The following BTBD9 variants were observed in gnomAD, a reference collection of about 807,000 sequenced individuals.
The protein encoded by BTBD9 is BTB domain containing 9, also known as BTB/POZ domain-containing protein 9.
In BTBD9, 49 loss-of-function variants were observed where a neutral mutation model predicts 64.3. The ratio of observed to expected loss-of-function variants is 0.76; its 90% CI spans 0.61 to 0.97. The LOEUF is 0.97. Ranked by LOEUF, BTBD9 falls within the 50% of genes least tolerant of loss-of-function variation. BTBD9 has a pLI of 0.00. For missense variants in BTBD9, 598 were observed against 762.1 expected (o/e 0.78, Z 2.53); for synonymous variants, 260 against 274.7 (o/e 0.95, Z 0.53).
At chr6:38,188,117 TG>T (rs916363227) in intron 10 of BTBD9, among the ~76,000 whole-genome samples, 2 of 152,204 alleles carry the variant, frequency 1.3e-5, no homozygotes, top group African/African-American at 4.8e-5. Flanking sequence ...CAGGCCAGCC[TG>T]GGGGGCCTGC....
At chr6:38,609,038 A>T (rs1195614668) in intron 1 of BTBD9, among the ~76,000 whole-genome samples, 1 of 152,214 alleles carries the variant, frequency 6.6e-6, no homozygotes, top group African/African-American at 2.4e-5. Flanking sequence ...CTAAGGGGCC[A>T]CTGAATTGAC....
rs534851326 is a variant in BTBD9 at position 38,330,116 on chromosome 6, G to A, written c.1264+14868C>T. On this transcript the variant is annotated intron_variant, in intron 7 of 10. Transcript: ENST00000481247. ...GTCACCCAGGCTGGAGTGCAGTGGC[G>A]TGATATTGGCTCACTGCAACCTGCA... is the stretch of plus-strand genomic sequence containing the variant. Among the ~76,000 whole-genome samples the A allele has an allele frequency of 4.0e-5, 6 of 151,684 alleles. No homozygotes were observed. The East Asian group carries it at 9.7e-4, about 25-fold the overall frequency.
intron 1 of BTBD9, 80 bp downstream of exon 1, chr6:38,639,720 G>C (rs1221261584): frequency 6.6e-6 from 1 of 152,078 alleles, no homozygotes. Context: ...GGCGGTGCGC[G>C]CGGATACGGC....
intron 7 of BTBD9, among the ~76,000 whole-genome samples, chr6:38,319,502 G>A (rs866018939): frequency 4.0e-5 from 6 of 151,838 alleles, no homozygotes; most frequent in Non-Finnish European, 7.4e-5. Context: ...TAGTCAGCAC[G>A]TGATGAATCC....
chr6:38,259,835 C>T (rs1764730585), intron 8 of BTBD9, among the ~76,000 whole-genome samples: 1 of 152,152 alleles, frequency 6.6e-6, no homozygotes. Flanking sequence ...CCTACTGATT[C>T]TCTTTAATAC....
intron 6 of BTBD9, among the ~76,000 whole-genome samples, chr6:38,441,249 T>C (rs776282161): frequency 6.6e-6 from 1 of 152,148 alleles, no homozygotes; most frequent in African/African-American, 2.4e-5. Context: ...GGGCTAAGAA[T>C]GTGTTCTCTT....
At chr6:38,345,708 G>A (rs576861203) in intron 6 of BTBD9, among the ~76,000 whole-genome samples, 33 of 152,344 alleles carry the variant, frequency 2.2e-4, no homozygotes, top group South Asian at 1.0e-3. Context: ...CACAGGAAGC[G>A]ATCTGTAGAG....
chr6:38,466,300 T>TCAGA (rs1318023867), intron 6 of BTBD9, among the ~76,000 whole-genome samples: 1 of 142,310 alleles, frequency 7.0e-6, no homozygotes, highest in Non-Finnish European at 1.5e-5. Context: ...TTTTTTTTTT[T>TCAGA]TTTTTTTTTT....
intron 6 of BTBD9, among the ~76,000 whole-genome samples, chr6:38,398,026 G>C (rs1766759102): frequency 6.6e-6 from 1 of 152,232 alleles, no homozygotes; most frequent in African/African-American, 2.4e-5. Context: ...GGCAGATCAT[G>C]AAAGGCTCTG....
At position 38,567,011 on chromosome 6, in the gene BTBD9, G is replaced by A. The variant is rs192242652; in HGVS notation, c.1154+10589C>T. 1.4e-4 allele frequency among the ~76,000 whole-genome samples: 22 copies of A among 152,106 alleles called. No homozygotes were observed. In the East Asian group the frequency reaches 4.2e-3, roughly 29 times the overall value. Reference sequence around the variant, plus strand: ...AGCAGTTTTTCATTACTGTTGATTTGCAACTCCAAAATTACAATGGGCAAT... The same window carrying A: ...AGCAGTTTTTCATTACTGTTGATTTACAACTCCAAAATTACAATGGGCAAT... On this transcript the variant is annotated intron_variant, in intron 6 of 10. Coordinates refer to ENST00000481247, the MANE Select transcript of BTBD9 (RefSeq NM_001099272.2).
intron 6 of BTBD9, among the ~76,000 whole-genome samples, chr6:38,380,691 A>T (rs1157371058): frequency 1.3e-5 from 2 of 152,250 alleles, no homozygotes; most frequent in African/African-American, 4.8e-5. Flanking sequence ...GAGTTTTTTT[A>T]AAATACAGCT....
chr6:38,204,565 G>A (rs929034843), intron 9 of BTBD9, among the ~76,000 whole-genome samples: 1 of 152,150 alleles, frequency 6.6e-6, no homozygotes, highest in Non-Finnish European at 1.5e-5. Flanking sequence ...GGATTGGGAG[G>A]TGATGGCTAT....
chr6:38,554,658 C>A lies in BTBD9; in HGVS notation c.1154+22942G>T, dbSNP rs189900575. Among the ~76,000 whole-genome samples, 25 of 152,256 alleles carry A rather than the reference C, an allele frequency of 1.6e-4. 1 individual carries two copies. The highest frequency in any genetic ancestry group is 5.8e-4 in the African/African-American group (24 of 41,562). On this transcript the variant is annotated intron_variant, in intron 6 of 10. Transcript: ENST00000481247. ...ATTGTAATTTCAAGTGATATATGTT[C>A]TTTTCACAGATTTCAAAATCCCCAA...
intron 6 of BTBD9, among the ~76,000 whole-genome samples, chr6:38,489,053 G>A (rs964769286): frequency 6.6e-6 from 1 of 151,890 alleles, no homozygotes; most frequent in Non-Finnish European, 1.5e-5. Flanking sequence ...GCTTCACTAT[G>A]CTTGGTTAAT....
chr6:38,340,333 C>G (rs1001507690), intron 7 of BTBD9, among the ~76,000 whole-genome samples: 2 of 152,066 alleles, frequency 1.3e-5, no homozygotes, highest in Non-Finnish European at 2.9e-5. Flanking sequence ...ATGGCTGATT[C>G]TAGATCAAGG....
At chr6:38,176,237 G>C (rs1761242969) in intron 10 of BTBD9, among the ~76,000 whole-genome samples, 1 of 152,232 alleles carries the variant, frequency 6.6e-6, no homozygotes, top group Non-Finnish European at 1.5e-5. Flanking sequence ...TTCTACCGTA[G>C]AATCAAGTTC....
chr6:38,218,367 G>A (rs921274855), intron 9 of BTBD9, among the ~76,000 whole-genome samples: 2 of 152,094 alleles, frequency 1.3e-5, no homozygotes, highest in Non-Finnish European at 2.9e-5. Flanking sequence ...CTTCTGAAAG[G>A]CCTAAGTTCC....
At chr6:38,196,078 G>C (rs1164295138) in intron 9 of BTBD9, among the ~76,000 whole-genome samples, 1 of 152,238 alleles carries the variant, frequency 6.6e-6, no homozygotes, top group East Asian at 1.9e-4. Flanking sequence ...TATTCCAGTG[G>C]AGAGGGTCAT....
chr6:38,222,321 T>C (rs1022608343), intron 9 of BTBD9, among the ~76,000 whole-genome samples: 5 of 130,726 alleles, frequency 3.8e-5, no homozygotes, highest in Non-Finnish European at 6.2e-5. Context: ...AATGCAGTGG[T>C]GCGATCTCGG....
Sources: gnomAD v4.1 joint callset for allele counts (sites outside exome capture counted in the v4.1 genomes callset) on GRCh38, gnomAD v4.1.1 for gene constraint, MANE v1.5 for transcripts, NCBI Gene and HGNC (gene_info 2026-07-23, HGNC 2026-07-21) for gene names.